ANKRD13A: variants seen among roughly 807,000 people sequenced by gnomAD.
ANKRD13A encodes ankyrin repeat domain-containing protein 13A.
Under a neutral mutation model 81.3 loss-of-function variants are expected in ANKRD13A, and 48 were observed. The ratio of observed to expected loss-of-function variants is 0.59; its 90% CI spans 0.47 to 0.75. ANKRD13A has a LOEUF of 0.75. Ranked by LOEUF, ANKRD13A falls within the 30% of genes least tolerant of loss-of-function variation. ANKRD13A has a pLI of 0.00. For missense variants in ANKRD13A, 612 were observed against 734.0 expected, an observed-to-expected ratio of 0.83 and a Z score of 1.92; for synonymous variants, 230 against 270.1, an observed-to-expected ratio of 0.85 and a Z score of 1.45.
rs577566144 is a variant in ANKRD13A at position 110,026,510 on chromosome 12, G to A, written c.883+687G>A. Among the ~76,000 whole-genome samples the A allele has an allele frequency of 7.3e-5, 11 of 151,672 alleles. 1 individual carries two copies. The South Asian group carries it at 2.3e-3, about 32-fold the overall frequency. The stretch of plus-strand genomic sequence containing the variant: ...GAGAATCACTTGAACCTGGCAGGCG[G>A]AGGTTTTGGTGAGCTGAGATCGTGC... On this transcript the variant is annotated intron_variant, in intron 8 of 14. Coordinates refer to ENST00000261739, the MANE Select transcript of ANKRD13A (RefSeq NM_033121.2).
intron 3 of ANKRD13A, 93 bp from the exon 4 acceptor site, chr12:110,016,294 TA>T: frequency 1.1e-6 from 1 of 897,256 alleles, no homozygotes; most frequent in Non-Finnish European, 1.6e-6. Flanking sequence ...TTTTTTTTTT[TA>T]ACCCAGGGTT....
chr12:110,033,219 A>AT (rs1248785420), intron 12 of ANKRD13A, among the ~76,000 whole-genome samples: 2 of 146,546 alleles, frequency 1.4e-5, no homozygotes, highest in African/African-American at 5.2e-5. Context: ...ACGCCCGGCT[A>AT]ATTTTTTTTT....
At position 110,037,498 on chromosome 12, in the gene ANKRD13A, C is replaced by G; in HGVS notation, c.1717C>G (p.Gln573Glu). 6.2e-7 allele frequency: 1 copy of G among 1,614,154 alleles called. No homozygotes were observed. The highest frequency in any genetic ancestry group is 8.5e-7 in the Non-Finnish European group (1 of 1,180,028). ...KELEEWELRL[Q>E]EEEAELQQVL... ...GCTGGAGGAATGGGAGCTCCGGCTC[C>G]AGGAGGAAGAGGCTGAGCTCCAGCA... The change falls in exon 15 of 15, where the codon CAG becomes GAG. Residue 573 changes from glutamine to glutamate, a missense_variant. Coordinates refer to ENST00000261739, the MANE Select transcript of ANKRD13A (RefSeq NM_033121.2).
In ANKRD13A at chr12:110,012,228, G is replaced by T. The variant is rs558093140; in HGVS notation, c.229+91G>T. 7 of 1,413,108 alleles carry T rather than the reference G, an allele frequency of 5.0e-6. No individual in the cohort carries two copies. In the South Asian group the frequency reaches 8.2e-5, roughly 16 times the overall value. 87.5% of individuals were successfully genotyped at this position (1,413,108 alleles called of 1,614,324 possible). On this transcript the variant is annotated intron_variant, in intron 2 of 14. Transcript: ENST00000261739. ...AAAAATATGAAAATTAGCCAGGTGC[G>T]GTGGTGCATGTCTGTAGTACCAGCT...
Position 110,029,565 on chromosome 12 carries a change from G to C in ANKRD13A, c.1164G>C (p.Thr388=). 1 of 1,614,040 alleles carries C rather than the reference G, an allele frequency of 6.2e-7. No individual in the cohort carries two copies. The highest frequency in any genetic ancestry group is 8.5e-7 in the Non-Finnish European group (1 of 1,179,964). Residue 388 remains threonine (T), a synonymous_variant, in exon 11 of 15, where the codon ACG becomes ACC. Transcript: ENST00000261739. ...CCATCATTGACCTAATGGCTCGAAC[G>C]AGTGCTCATTTTGCAAGACTGAGAG... The part of the protein sequence containing the change: ...VIPIIDLMAR[T]SAHFARLRDF...
At position 110,027,688 on chromosome 12, in the gene ANKRD13A, TC is replaced by T. The variant is rs752009775; in HGVS notation, c.884-14del. 9.3e-6 allele frequency: 15 copies of T among 1,613,436 alleles called. No individual in the cohort carries two copies. The Admixed American group carries it at 2.5e-4, about 27-fold the overall frequency. ...TGAGATATAATATTAGACTTTAAAC[TC>T]CCTACCCCTCTGTAGCAGACAGGAA... On this transcript the variant is annotated splice_polypyrimidine_tract_variant and intron_variant, in intron 8 of 14. Transcript: ENST00000261739.
chr12:110,014,320 G>A (rs528353518), intron 3 of ANKRD13A, among the ~76,000 whole-genome samples: 2 of 152,284 alleles, frequency 1.3e-5, no homozygotes, highest in South Asian at 4.1e-4. Context: ...GCTGAGGCAG[G>A]AGAATGCTGT....
intron 1 of ANKRD13A, among the ~76,000 whole-genome samples, chr12:110,006,402 A>G (rs1362025331): frequency 6.6e-6 from 1 of 152,142 alleles, no homozygotes; most frequent in Non-Finnish European, 1.5e-5. Context: ...TTCTCTTATG[A>G]TTAATGATGT....
rs896568047 is a variant in ANKRD13A at position 110,036,524 on chromosome 12, C to T, written c.1577+196C>T. Among the ~76,000 whole-genome samples, 2 of 152,130 alleles carry T rather than the reference C, an allele frequency of 1.3e-5. No individual in the cohort carries two copies. The highest frequency in any genetic ancestry group is 2.9e-5 in the Non-Finnish European group (2 of 68,028). Reference sequence around the variant, plus strand: ...CAGCATTTTGGGAGGCCGAGGCAGGCGGATCACGAGGTCAGAAGATTGAGA... The same window carrying T: ...CAGCATTTTGGGAGGCCGAGGCAGGTGGATCACGAGGTCAGAAGATTGAGA... On this transcript the variant is annotated intron_variant, in intron 14 of 14. Transcript: ENST00000261739. The surrounding 1 kb of genome is among the most constrained non-coding windows in gnomAD (Gnocchi z 4.6).
intron 2 of ANKRD13A, among the ~76,000 whole-genome samples, 198 bp from the exon 3 acceptor site, chr12:110,012,927 A>T (rs1890600564): frequency 6.6e-6 from 1 of 152,096 alleles, no homozygotes; most frequent in African/African-American, 2.4e-5. Context: ...ACGGGGTTTG[A>T]TCAAGGTGCT....
chr12:110,000,048 G>A (rs1303939186), intron 1 of ANKRD13A, among the ~76,000 whole-genome samples: 2 of 152,242 alleles, frequency 1.3e-5, no homozygotes, highest in Non-Finnish European at 2.9e-5. Flanking sequence ...GAAGGAAACA[G>A]GTCCTCAGAC....
chr12:110,028,047 G>A (rs1210524524), intron 9 of ANKRD13A: 3 of 435,114 alleles, frequency 6.9e-6, no homozygotes, highest in Admixed American at 3.9e-5. Context: ...AACTTAAAAA[G>A]GATTCAGGAC....
At chr12:110,001,062 ACT>A (rs1889944770) in intron 1 of ANKRD13A, among the ~76,000 whole-genome samples, 1 of 150,990 alleles carries the variant, frequency 6.6e-6, no homozygotes, top group African/African-American at 2.4e-5. Context: ...TGGCTGAGAA[ACT>A]CTGCTTTTAA....
At chr12:110,008,350 G>A (rs886577726) in intron 1 of ANKRD13A, among the ~76,000 whole-genome samples, 3 of 152,200 alleles carry the variant, frequency 2.0e-5, no homozygotes, top group Admixed American at 1.3e-4. Flanking sequence ...ATAAGTCTCA[G>A]TTGGTCATAG....
intron 12 of ANKRD13A, among the ~76,000 whole-genome samples, chr12:110,033,045 TTTTC>T (rs1275866807): frequency 6.6e-6 from 1 of 151,372 alleles, no homozygotes; most frequent in Admixed American, 6.6e-5. Context: ...GATAGTGTTT[TTTTC>T]TTTTTCTTTT....
At chr12:110,019,099 C>T (rs1566054519) in intron 5 of ANKRD13A, 40 bp from the exon 6 acceptor site, 2 of 1,523,894 alleles carry the variant, frequency 1.3e-6, no homozygotes, top group African/African-American at 1.4e-5. Context: ...TTGCATCTTC[C>T]CTACTTTGCA....
At chr12:110,027,363 C>T (rs1444926653) in intron 8 of ANKRD13A, 3 of 264,166 alleles carry the variant, frequency 1.1e-5, no homozygotes, top group Non-Finnish European at 2.2e-5. Flanking sequence ...ACCACCATTG[C>T]CATTACTCCA....
chr12:110,029,278 C>T, intron 10 of ANKRD13A, 200 bp from the exon 11 acceptor site: 1 of 475,606 alleles, frequency 2.1e-6, no homozygotes, highest in Non-Finnish European at 3.7e-6. Flanking sequence ...TCATGCAGGT[C>T]GCTTGCCTTT....
At chr12:110,010,567 C>T (rs1197083933) in intron 1 of ANKRD13A, among the ~76,000 whole-genome samples, 1 of 152,126 alleles carries the variant, frequency 6.6e-6, no homozygotes, top group Non-Finnish European at 1.5e-5. Context: ...AAGTCATAAC[C>T]TTGGGAAGAG....
Sources: allele counts gnomAD v4.1 joint callset (sites outside exome capture counted in the v4.1 genomes callset), GRCh38; gene constraint gnomAD v4.1.1; non-coding constraint Gnocchi (gnomAD v3.1); transcripts MANE v1.5; gene names NCBI Gene and HGNC (gene_info 2026-07-23, HGNC 2026-07-21).